Variants in CNTN5 observed in about 807,000 individuals in gnomAD.
CNTN5 encodes contactin 5, also known as contactin-5.
CNTN5 carries 77 observed loss-of-function variants against 129.1 expected under a neutral mutation model. The ratio of observed to expected loss-of-function variants is 0.60; its 90% confidence interval spans 0.50 to 0.72. The LOEUF (loss-of-function observed/expected upper bound fraction) is 0.72. Ranked by LOEUF, CNTN5 falls within the 30% of genes least tolerant of loss-of-function variation. The probability of loss-of-function intolerance (pLI) is 0.00; values close to 1 mark genes in which losing one functional copy is unlikely to be tolerated. For synonymous variants in CNTN5, 509 were observed against 465.6 expected (o/e 1.09, Z -1.20); for missense variants, 1,478 against 1,328.8 (o/e 1.11, Z -1.75).
rs138311759 is a variant in CNTN5, at chr11:100,078,538, T to C, written c.1580+4244T>C. Among the ~76,000 whole-genome samples, 278 of 152,216 alleles carry C rather than the reference T, an allele frequency of 1.8e-3. 3 individuals carry two copies. The highest frequency in any genetic ancestry group is 6.5e-3 in the African/African-American group (271 of 41,544). Reference sequence around the variant, plus strand: ...GATGACTGCTTATGAGTTCGTAGCGTTTATGATTTGCAAAGCACTTTAACG... The same window carrying C: ...GATGACTGCTTATGAGTTCGTAGCGCTTATGATTTGCAAAGCACTTTAACG... On this transcript the variant is annotated intron_variant, in intron 13 of 24. Transcript: ENST00000524871.
intron 18 of CNTN5, among the ~76,000 whole-genome samples, chr11:100,293,978 T>G (rs1054305518): frequency 1.3e-5 from 2 of 151,690 alleles, no homozygotes; most frequent in Admixed American, 6.6e-5. Flanking sequence ...AAAAAAATTA[T>G]TTTTTAAATG....
At chr11:99,948,243 G>A (rs531997879) in intron 7 of CNTN5, among the ~76,000 whole-genome samples, 1 of 152,280 alleles carries the variant, frequency 6.6e-6, no homozygotes, top group South Asian at 2.1e-4. Context: ...GTGGAGATGA[G>A]GAATAGTATC....
chr11:99,367,933 G>A lies in CNTN5; in HGVS notation c.-71+42449G>A, dbSNP rs1261945868. On this transcript the variant is annotated intron_variant, in intron 2 of 24. Transcript: ENST00000524871. The stretch of plus-strand genomic sequence containing the variant: ...AATAATGGACTTGGCTTTTTGTTAA[G>A]CACTTTATTAAGGCTATCCCAATTC... 2.0e-5 allele frequency among the ~76,000 whole-genome samples: 3 copies of A among 152,064 alleles called. No homozygotes were observed. The South Asian group carries it at 6.2e-4, about 32-fold the overall frequency.
At chr11:99,941,308 A>G (rs1338599829) in intron 7 of CNTN5, among the ~76,000 whole-genome samples, 1 of 152,100 alleles carries the variant, frequency 6.6e-6, no homozygotes, top group Admixed American at 6.6e-5. Flanking sequence ...TTTATTTATC[A>G]TCTTATAAAG....
At position 99,545,967 on chromosome 11, in the gene CNTN5, TCAA is replaced by T. The variant is rs200042016; in HGVS notation, c.-70-10173_-70-10171del. Among the ~76,000 whole-genome samples, 95 of 151,688 alleles carry T rather than the reference TCAA, an allele frequency of 6.3e-4. No individual in the cohort carries two copies. The East Asian group carries it at 0.018, about 29-fold the overall frequency. On this transcript the variant is annotated intron_variant, in intron 2 of 24. Transcript: ENST00000524871. ...ATACAAATCTGTTCTCTTAAATTCT[TCAA>T]CAACTTGGACTTTGAATAGATTTTC...
intron 3 of CNTN5, among the ~76,000 whole-genome samples, chr11:99,668,571 GA>G (rs1320370387): frequency 5.3e-5 from 8 of 151,838 alleles, no homozygotes; most frequent in Non-Finnish European, 1.2e-4. Flanking sequence ...ATTTGAACCA[GA>G]AAAAAACATT....
chr11:99,358,527 C>G (rs957836550), intron 2 of CNTN5, among the ~76,000 whole-genome samples: 3 of 151,402 alleles, frequency 2.0e-5, no homozygotes, highest in Non-Finnish European at 4.4e-5. Context: ...CGCCACTGCA[C>G]TCCAGCCTGG....
At chr11:99,790,571 A>G (rs959121091) in intron 3 of CNTN5, among the ~76,000 whole-genome samples, 8 of 152,232 alleles carry the variant, frequency 5.3e-5, no homozygotes, top group South Asian at 4.1e-4. Flanking sequence ...CCAGTCTACC[A>G]TTCATGGGAA....
intron 1 of CNTN5, among the ~76,000 whole-genome samples, chr11:99,077,953 T>C (rs563220462): frequency 6.6e-6 from 1 of 152,254 alleles, no homozygotes; most frequent in South Asian, 2.1e-4. Flanking sequence ...AGTATGAAAA[T>C]GGACAAATAC....
chr11:99,242,899 G>T (rs1482427790), intron 1 of CNTN5, among the ~76,000 whole-genome samples: 2 of 152,070 alleles, frequency 1.3e-5, no homozygotes, highest in Non-Finnish European at 2.9e-5. Flanking sequence ...TGGGCATCTA[G>T]GTTGATTCCA....
chr11:99,163,012 C>G (rs1311577778), intron 1 of CNTN5, among the ~76,000 whole-genome samples: 1 of 152,148 alleles, frequency 6.6e-6, no homozygotes, highest in Non-Finnish European at 1.5e-5. Flanking sequence ...CTTTTAGTTT[C>G]TCTTTTCACA....
intron 1 of CNTN5, among the ~76,000 whole-genome samples, chr11:99,268,028 A>G (rs1862989489): frequency 6.7e-6 from 1 of 149,888 alleles, no homozygotes; most frequent in African/African-American, 2.4e-5. Context: ...TGACAGAGGT[A>G]TTTCTTATTT....
At chr11:100,147,363 C>G (rs1320394990) in intron 13 of CNTN5, among the ~76,000 whole-genome samples, 1 of 152,140 alleles carries the variant, frequency 6.6e-6, no homozygotes, top group Non-Finnish European at 1.5e-5. Flanking sequence ...AGACCAGTGA[C>G]AGCTAGATCT....
chr11:99,669,317 A>C (rs932895799), intron 3 of CNTN5, among the ~76,000 whole-genome samples: 7 of 152,120 alleles, frequency 4.6e-5, no homozygotes, highest in African/African-American at 1.7e-4. Context: ...TTAAACCTTC[A>C]TTGCCATCTA....
At chr11:99,572,049 C>T (rs953755371) in intron 3 of CNTN5, among the ~76,000 whole-genome samples, 3 of 152,134 alleles carry the variant, frequency 2.0e-5, no homozygotes, top group Non-Finnish European at 4.4e-5. Flanking sequence ...AGCAAGAAAT[C>T]TCATCTCAAA....
At chr11:100,194,474 A>C (rs957911744) in intron 15 of CNTN5, among the ~76,000 whole-genome samples, 1 of 151,982 alleles carries the variant, frequency 6.6e-6, no homozygotes, top group Admixed American at 6.6e-5. Flanking sequence ...ATGCTGTTGC[A>C]TACTTATTAG....
intron 2 of CNTN5, among the ~76,000 whole-genome samples, chr11:99,381,661 T>C (rs1366575170): frequency 6.6e-6 from 1 of 152,164 alleles, no homozygotes; most frequent in African/African-American, 2.4e-5. Context: ...TGGCATAGTG[T>C]CCCTATTATC....
intron 1 of CNTN5, among the ~76,000 whole-genome samples, chr11:99,112,431 A>G (rs1301629444): frequency 6.6e-6 from 1 of 152,006 alleles, no homozygotes; most frequent in African/African-American, 2.4e-5. Flanking sequence ...TGATTACTCT[A>G]ATTGAAAGTA....
At chr11:100,292,058 T>C (rs1188014106) in intron 18 of CNTN5, among the ~76,000 whole-genome samples, 1 of 152,010 alleles carries the variant, frequency 6.6e-6, no homozygotes, top group Non-Finnish European at 1.5e-5. Context: ...AAAAATTTAA[T>C]CTCACATCTA....
Sources: gnomAD v4.1 joint callset for allele counts (sites outside exome capture counted in the v4.1 genomes callset) on GRCh38, gnomAD v4.1.1 for gene constraint, MANE v1.5 for transcripts, NCBI Gene and HGNC (gene_info 2026-07-23, HGNC 2026-07-21) for gene names.